Variants in NAXD observed in about 807,000 individuals in gnomAD.
NAXD encodes ATP-dependent (S)-NAD(P)H-hydrate dehydratase.
A neutral mutation model predicts 35.8 loss-of-function variants in NAXD; 22 were observed. The ratio of observed to expected loss-of-function variants is 0.62; its 90% confidence interval spans 0.44 to 0.88. NAXD has a LOEUF of 0.88. NAXD is among the 40% of genes least tolerant of loss of function. The pLI is 0.00. For synonymous variants in NAXD, 189 were observed against 177.6 expected (o/e 1.06, Z -0.51); for missense variants, 428 against 437.7 (o/e 0.98, Z 0.20).
In NAXD at chr13:110,624,753, C is replaced by T. The variant is rs140286207; in HGVS notation, c.244-437C>T. 5.3e-3 allele frequency among the ~76,000 whole-genome samples: 801 copies of T among 152,350 alleles called. 12 individuals are homozygous for T. Among genetic ancestry groups the T allele is most frequent in the African/African-American group, 0.019 (782 of 41,588 alleles). On this transcript the variant is annotated intron_variant, in intron 3 of 9. Transcript: ENST00000680254. Reference sequence around the variant, plus strand: ...CTGGGATTACAGGCGTGAGCCACTGCACCTGGCCTCAATTGAAGCCCATTT... The same window carrying T: ...CTGGGATTACAGGCGTGAGCCACTGTACCTGGCCTCAATTGAAGCCCATTT...
rs377595355 is a variant in NAXD, at chr13:110,627,454, T to C, written c.348T>C (p.Ala116=). ...IVHPVLDSPN[A]VHEVEKWLPR... The stretch of plus-strand genomic sequence containing the variant: ...CCTTCTTTAGTGACAGCCCCAATGC[T>C]GTTCATGAGGTGGAGAAGTGGCTGC... Residue 116 remains alanine (A), a synonymous_variant, in exon 5 of 10, where the codon GCT becomes GCC. Coordinates refer to ENST00000680254, the MANE Select transcript of NAXD (RefSeq NM_001242882.2). 8 of 1,613,828 alleles carry C rather than the reference T, an allele frequency of 5.0e-6. No individual in the cohort carries two copies. The African/African-American group carries it at 8.0e-5, about 16-fold the overall frequency.
chr13:110,633,779 A>G (rs536191993), intron 5 of NAXD, among the ~76,000 whole-genome samples: 1 of 151,912 alleles, frequency 6.6e-6, no homozygotes, highest in South Asian at 2.1e-4. Context: ...TTAATAGAAA[A>G]CCTTTGAAAC....
At chr13:110,627,757 T>G (rs1009785187) in intron 5 of NAXD, among the ~76,000 whole-genome samples, 16 of 152,200 alleles carry the variant, frequency 1.1e-4, no homozygotes, top group Admixed American at 9.2e-4. Context: ...CCGACTGTTT[T>G]CTCATGGAGC....
At chr13:110,620,077 CG>C (rs1245524100) in intron 1 of NAXD, among the ~76,000 whole-genome samples, 3 of 151,796 alleles carry the variant, frequency 2.0e-5, no homozygotes, top group Non-Finnish European at 4.4e-5. Flanking sequence ...GAGATTACAG[CG>C]GGGAGCCACT....
Position 110,639,745 on chromosome 13 carries a change from T to C in NAXD, c.*1217T>C, listed in dbSNP as rs1437996145. ...CCCTCCTGGTTCCCTTCAGAGTCTT[T>C]TTGGCCTGATGATGACTCTTGAGTG... On this transcript the variant is annotated 3_prime_UTR_variant, in exon 10 of 10. Transcript: ENST00000680254. 1 of 152,146 alleles carries C rather than the reference T, an allele frequency of 6.6e-6. No individual in the cohort carries two copies. Among genetic ancestry groups the C allele is most frequent in the Non-Finnish European group, 1.5e-5 (1 of 68,020 alleles). 9.4% of individuals were successfully genotyped at this position (152,146 alleles called of 1,614,324 possible).
At chr13:110,621,248 T>C (rs753347296) in intron 1 of NAXD, among the ~76,000 whole-genome samples, 5 of 152,190 alleles carry the variant, frequency 3.3e-5, no homozygotes, top group Admixed American at 6.5e-5. Context: ...TTCCAGTTTG[T>C]GAGGAGAGAA....
chr13:110,626,332 A>G (rs1192730987), intron 4 of NAXD, among the ~76,000 whole-genome samples: 2 of 151,902 alleles, frequency 1.3e-5, no homozygotes, highest in Non-Finnish European at 2.9e-5. Context: ...AGGGGCACAG[A>G]CTCCACCAAG....
intron 1 of NAXD, among the ~76,000 whole-genome samples, chr13:110,620,027 G>C (rs957371226): frequency 6.6e-5 from 10 of 151,974 alleles, no homozygotes; most frequent in Non-Finnish European, 1.0e-4. Flanking sequence ...TCGAACTCCT[G>C]ACCTCAAGTG....
rs150975981 is a variant in NAXD, at chr13:110,625,851, C to T, written c.332+573C>T. ...TACTTTTCATTGTGTGTGTTTGCAC[C>T]GACTGGATTGGGCTGTGCTGCTCTG... On this transcript the variant is annotated intron_variant, in intron 4 of 9. Coordinates refer to ENST00000680254, the MANE Select transcript of NAXD (RefSeq NM_001242882.2). Among the ~76,000 whole-genome samples, 125 of 152,202 alleles carry T rather than the reference C, an allele frequency of 8.2e-4. 1 individual carries two copies. In the East Asian group the frequency reaches 0.024, roughly 29 times the overall value.
At chr13:110,626,631 C>T (rs981930977) in intron 4 of NAXD, among the ~76,000 whole-genome samples, 1 of 152,088 alleles carries the variant, frequency 6.6e-6, no homozygotes, top group Non-Finnish European at 1.5e-5. Flanking sequence ...CAGCAGGGGC[C>T]TCCAGGAGTC....
Position 110,632,431 on chromosome 13 carries a change from C to T in NAXD, c.442-2114C>T, listed in dbSNP as rs565628118. 9.2e-5 allele frequency among the ~76,000 whole-genome samples: 14 copies of T among 152,288 alleles called. 1 individual carries two copies. Among genetic ancestry groups the T allele is most frequent in the South Asian group, 6.2e-4 (3 of 4,820 alleles). On this transcript the variant is annotated intron_variant, in intron 5 of 9. Transcript: ENST00000680254. ...CCCGAGCGGGTTACCAATGCTGGCT[C>T]GGGCAGCCTGCTTTTATTCTCTTAT... is the stretch of plus-strand genomic sequence containing the variant.
rs1887000453 is a variant in NAXD, at chr13:110,638,041, C to T, written c.840-337C>T. 6.6e-6 allele frequency among the ~76,000 whole-genome samples: 1 copy of T among 152,190 alleles called. No homozygotes were observed. Among genetic ancestry groups the T allele is most frequent in the Non-Finnish European group, 1.5e-5 (1 of 68,040 alleles). On this transcript the variant is annotated intron_variant, in intron 9 of 9. Transcript: ENST00000680254. The surrounding 1 kb of genome is among the most constrained non-coding windows in gnomAD (Gnocchi z 5.4). ...CCCATTCTCAGACCTCAGATGCCCT[C>T]TGCACCTGGGCACTGAGAGCACAGT...
rs1370149636 is a variant in NAXD at position 110,622,242 on chromosome 13, A to G, written c.73A>G (p.Lys25Glu). 1 of 1,613,968 alleles carries G rather than the reference A, an allele frequency of 6.2e-7. No homozygotes were observed. Among genetic ancestry groups the G allele is most frequent in the African/African-American group, 1.3e-5 (1 of 75,062 alleles). Residue 25 changes from lysine (K) to glutamate (E), a missense_variant, in exon 2 of 10, where the codon AAA becomes GAA. By Grantham distance (56) the Lys-to-Glu change is moderately conservative. Coordinates refer to ENST00000680254, the MANE Select transcript of NAXD (RefSeq NM_001242882.2). ...RVLERAFSLR[K>E]AHSIKDMENT... ...TTTAGAAAGAGCGTTTTCGCTACGT[A>G]AAGCACATTCGATAAAGGATATGGA...
intron 5 of NAXD, among the ~76,000 whole-genome samples, chr13:110,631,921 A>C (rs1886707710): frequency 6.6e-6 from 1 of 152,224 alleles, no homozygotes; most frequent in African/African-American, 2.4e-5. Context: ...TTAGGCGAGC[A>C]GCTAATGCTT....
At chr13:110,624,144 A>C (rs1221518832) in intron 2 of NAXD, 90 bp from the exon 3 acceptor site, 7 of 760,880 alleles carry the variant, frequency 9.2e-6, no homozygotes. Context: ...TATATTATTT[A>C]TGTCTATTTT....
At chr13:110,616,523 T>A (rs1307658879) in intron 1 of NAXD, among the ~76,000 whole-genome samples, 1 of 152,236 alleles carries the variant, frequency 6.6e-6, no homozygotes, top group Non-Finnish European at 1.5e-5. Flanking sequence ...TGCCCTGGCC[T>A]TGGCTGGTCC....
At chr13:110,616,270 G>T (rs1470241293) in intron 1 of NAXD, 1 of 158,348 alleles carries the variant, frequency 6.3e-6, no homozygotes, top group Non-Finnish European at 1.4e-5. Context: ...GAGCAGGGCC[G>T]TGTCTGCATC....
intron 5 of NAXD, among the ~76,000 whole-genome samples, chr13:110,633,294 C>T (rs1177837740): frequency 1.3e-5 from 2 of 151,804 alleles, no homozygotes; most frequent in East Asian, 1.9e-4. Context: ...CTCATTGCCC[C>T]GGGCCAGCAG....
chr13:110,624,205 GT>G, intron 2 of NAXD, 28 bp from the exon 3 acceptor site: 1 of 1,515,410 alleles, frequency 6.6e-7, no homozygotes, highest in Non-Finnish European at 9.1e-7. Context: ...ATTCTCAGAA[GT>G]TTTTGACTCT....
Sources: gnomAD v4.1 joint callset for allele counts (sites outside exome capture counted in the v4.1 genomes callset) on GRCh38, gnomAD v4.1.1 for gene constraint, Gnocchi (gnomAD v3.1) non-coding constraint, MANE v1.5 for transcripts, NCBI Gene and HGNC (gene_info 2026-07-23, HGNC 2026-07-21) for gene names.